SERPINA11: variants seen among roughly 807,000 people sequenced by gnomAD.
SERPINA11 encodes the protein serpin family A member 11.
SERPINA11 carries 28 observed loss-of-function variants against 29.4 expected under a neutral mutation model. The observed-to-expected ratio is 0.95, with a 90% CI of 0.70 to 1.30. The LOEUF is 1.30. Among genes scored for constraint, SERPINA11 ranks in the 50% most tolerant of loss-of-function variants. SERPINA11 has a pLI of 0.00. For missense variants in SERPINA11, 530 were observed against 507.3 expected, an observed-to-expected ratio of 1.04 and a Z score of -0.43; for synonymous variants, 253 against 206.6, an observed-to-expected ratio of 1.22 and a Z score of -1.92.
chr14:94,450,189 G>A (rs1434650453), intron 1 of SERPINA11, among the ~76,000 whole-genome samples: 1 of 152,128 alleles, frequency 6.6e-6, no homozygotes, highest in African/African-American at 2.4e-5. Context: ...ATTGCCTCAG[G>A]GCTGTGGGGA....
At position 94,446,416 on chromosome 14, in the gene SERPINA11, G is replaced by A. The variant is rs576980680; in HGVS notation, c.832C>T (p.Leu278Phe). The A allele has an allele frequency of 3.1e-6, 5 of 1,614,166 alleles. No homozygotes were observed. The South Asian group carries it at 4.4e-5, about 14-fold the overall frequency. Residue 278 changes from leucine to phenylalanine, a missense_variant, in exon 3 of 5, where the codon CTC becomes TTC. Leu to Phe is a conservative substitution (Grantham distance 22). Coordinates refer to ENST00000334708, the MANE Select transcript of SERPINA11 (RefSeq NM_001080451.2). Reference sequence around the variant, plus strand: ...TGCTTCATTTTCCCCGGGTCAGGGAGGACCAGCAGCGCCAAGGCATTTCCT... The same window carrying A: ...TGCTTCATTTTCCCCGGGTCAGGGAAGACCAGCAGCGCCAAGGCATTTCCT... Reference protein sequence around the residue: ...YRGNALALLVLPDPGKMKQVE... With the variant: ...YRGNALALLVFPDPGKMKQVE...
At chr14:94,446,984 A>T (rs10149369) in intron 2 of SERPINA11, among the ~76,000 whole-genome samples, 20,958 of 152,178 alleles carry the variant, frequency 0.14, 4,713 homozygotes, top group African/African-American at 0.47. Flanking sequence ...ATTTATTTAA[A>T]CATACTAATT....
At position 94,451,759 on chromosome 14, in the gene SERPINA11, G is replaced by A. The variant is rs144376318; in HGVS notation, c.-4+970C>T. Among the ~76,000 whole-genome samples, 393 of 152,266 alleles carry A rather than the reference G, an allele frequency of 2.6e-3. 5 individuals are homozygous for A. The highest frequency in any genetic ancestry group is 9.0e-3 in the African/African-American group (374 of 41,534). ...ATATTGCCCACCTCCTGGGTGTGGG[G>A]CCATTTCGGGATTATATGACAGTCA... On this transcript the variant is annotated intron_variant, in intron 1 of 4. Coordinates refer to ENST00000334708, the MANE Select transcript of SERPINA11 (RefSeq NM_001080451.2).
At position 94,442,927 on chromosome 14, in the gene SERPINA11, G is replaced by A. The variant is rs1486264648; in HGVS notation, c.1066-118C>T. Reference sequence around the variant, plus strand: ...AGGAAGGGGAGGTAGAGAAGGAAAAGCCCATGAAGAGATGCCTTAAAGACT... The same window carrying A: ...AGGAAGGGGAGGTAGAGAAGGAAAAACCCATGAAGAGATGCCTTAAAGACT... On this transcript the variant is annotated intron_variant, in intron 4 of 4. Coordinates refer to ENST00000334708, the MANE Select transcript of SERPINA11 (RefSeq NM_001080451.2). The A allele has an allele frequency of 7.1e-6, 9 of 1,261,554 alleles. No homozygotes were observed. In the Middle Eastern group the frequency reaches 2.0e-3, roughly 278 times the overall value. The allele number at this position is 1,261,554 out of a possible 1,614,324, so 78.1% of individuals were successfully genotyped here. A position where few individuals can be genotyped will look rare whatever the true frequency, so the allele number is the denominator to read the frequency against.
chr14:94,446,075 C>A (rs1898430998), intron 3 of SERPINA11, among the ~76,000 whole-genome samples: 2 of 152,094 alleles, frequency 1.3e-5, no homozygotes, highest in Admixed American at 1.3e-4. Context: ...CTCCACGTAC[C>A]AGTCTAAGTT....
At chr14:94,450,874 C>A (rs147414427) in intron 1 of SERPINA11, among the ~76,000 whole-genome samples, 1 of 151,406 alleles carries the variant, frequency 6.6e-6, no homozygotes, top group Non-Finnish European at 1.5e-5. Flanking sequence ...CCCTTTCAGT[C>A]CCATCCCCCG....
At chr14:94,443,438 G>A (rs1185822000) in intron 3 of SERPINA11, among the ~76,000 whole-genome samples, 1 of 152,136 alleles carries the variant, frequency 6.6e-6, no homozygotes, top group Non-Finnish European at 1.5e-5. Flanking sequence ...CTTGTGGCTG[G>A]ATCTGAGAGG....
rs1555373597 is a variant in SERPINA11, at chr14:94,449,390, C to CTCTTTTT, written c.-3-614_-3-613insAAAAAGA. On this transcript the variant is annotated intron_variant, in intron 1 of 4. Transcript: ENST00000334708. ...AACTTCCATAGTCTAGCCTCCCTCC[C>CTCTTTTT]TCTTTCTTTCTTTCTATTCTTTCTT... Among the ~76,000 whole-genome samples, 111 of 97,122 alleles carry CTCTTTTT rather than the reference C, an allele frequency of 1.1e-3. 11 individuals are homozygous for CTCTTTTT. The highest frequency in any genetic ancestry group is 2.0e-3 in the South Asian group (6 of 2,946). 63.7% of individuals were successfully genotyped at this position (97,122 alleles called of 152,430 possible). A position where few individuals can be genotyped will look rare whatever the true frequency, so the allele number is the denominator to read the frequency against.
At position 94,448,056 on chromosome 14, in the gene SERPINA11, C is replaced by T. The variant is rs111454708; in HGVS notation, c.643+76G>A. 1.0e-4 allele frequency: 144 copies of T among 1,408,824 alleles called. 3 individuals carry two copies. The African/African-American group carries it at 1.3e-3, about 13-fold the overall frequency. 87.3% of individuals were successfully genotyped at this position (1,408,824 alleles called of 1,614,324 possible). ...TTTCCCCAAGTGGTTAGCAAAGAAC[C>T]TATTAGCTGGCTCTCTGCTGTAAGA... On this transcript the variant is annotated intron_variant, in intron 2 of 4. Transcript: ENST00000334708.
At chr14:94,449,419 T>A (rs1422440334) in intron 1 of SERPINA11, among the ~76,000 whole-genome samples, 2 of 67,006 alleles carry the variant, frequency 3.0e-5, no homozygotes, top group African/African-American at 8.9e-5. Context: ...CTTTCTTTCT[T>A]TCTTTCTTTC....
chr14:94,446,292 G>A (rs767657264), intron 3 of SERPINA11, 39 bp downstream of exon 3: 1 of 1,582,768 alleles, frequency 6.3e-7, no homozygotes, highest in East Asian at 2.2e-5. Context: ...TGGGGTTCTT[G>A]AGCAAGGTCA....
Position 94,448,593 on chromosome 14 carries a change from A to C in SERPINA11, c.182T>G (p.Leu61Trp), listed in dbSNP as rs770286483. Residue 61 changes from leucine to tryptophan, a missense_variant, in exon 2 of 5, where the codon TTG becomes TGG. Physicochemically the swap from Leu to Trp is moderately conservative, Grantham distance 61 (BLOSUM62 -2). Transcript: ENST00000334708. ...TPTITNFALRLYKELAADAPG... is the reference protein window; with the variant it reads ...TPTITNFALRWYKELAADAPG... ...GGCGTCTGCTGCCAGCTCTTTATAC[A>C]AACGCAAAGCAAAATTGGTAATGGT... 1 of 1,613,812 alleles carries C rather than the reference A, an allele frequency of 6.2e-7. No individual in the cohort carries two copies. The highest frequency in any genetic ancestry group is 8.5e-7 in the Non-Finnish European group (1 of 1,179,788).
intron 4 of SERPINA11, 66 bp downstream of exon 4, chr14:94,443,012 C>A: frequency 2.0e-6 from 3 of 1,526,326 alleles, no homozygotes; most frequent in Non-Finnish European, 2.6e-6. Context: ...AAATGTCCCA[C>A]ATGCCAAAGG....
At chr14:94,449,447 T>A (rs547004315) in intron 1 of SERPINA11, among the ~76,000 whole-genome samples, 1 of 112,224 alleles carries the variant, frequency 8.9e-6, no homozygotes, top group Non-Finnish European at 1.7e-5. Flanking sequence ...CTTTCTTTCT[T>A]TCTTTCTTTC....
Position 94,448,454 on chromosome 14 carries a change from G to A in SERPINA11, c.321C>T (p.Leu107=). The A allele has an allele frequency of 6.2e-7, 1 of 1,614,198 alleles. No individual in the cohort carries two copies. The highest frequency in any genetic ancestry group is 2.2e-5 in the East Asian group (1 of 44,876). Residue 107 remains leucine, a synonymous_variant, in exon 2 of 5, where the codon CTC becomes CTT. Coordinates refer to ENST00000334708, the MANE Select transcript of SERPINA11 (RefSeq NM_001080451.2). ...ALILEGLGFN[L]TETPEADIHQ... ...GGATGTCGGCTTCAGGGGTTTCTGT[G>A]AGGTTGAATCCCAGGCCCTCCAGGA...
chr14:94,444,639 C>T (rs562403961), intron 3 of SERPINA11, among the ~76,000 whole-genome samples: 4 of 152,304 alleles, frequency 2.6e-5, no homozygotes, highest in Admixed American at 6.5e-5. Context: ...GGAATAATCT[C>T]TTAAATCCTG....
intron 1 of SERPINA11, 42 bp from the exon 2 acceptor site, chr14:94,448,819 A>G: frequency 6.7e-7 from 1 of 1,489,970 alleles, no homozygotes; most frequent in South Asian, 1.5e-5. Context: ...CTCCATAAAT[A>G]ATGTCATGAT....
At chr14:94,442,951 C>T in intron 4 of SERPINA11, 127 bp downstream of exon 4, 2 of 1,289,822 alleles carry the variant, frequency 1.6e-6, no homozygotes, top group Non-Finnish European at 2.2e-6. Flanking sequence ...GCCTTAAAGA[C>T]TGTGGTATTA....
In SERPINA11 at chr14:94,442,680, G is replaced by C; in HGVS notation, c.1195C>G (p.Leu399Val). The change falls in exon 5 of 5, where the codon CTC becomes GTC. Residue 399 changes from leucine to valine, a missense_variant. By Grantham distance (32) the Leu-to-Val change is conservative. Transcript: ENST00000334708. ...GTGGTGACCTCCCAAAGGAGCAAGA[G>C]GAAAGGCCTGTTGAAGTGGGCATGT... is the stretch of plus-strand genomic sequence containing the variant. ...DPHAHFNRPF[L>V]LLLWEVTTQS... 2 of 1,613,250 alleles carry C rather than the reference G, an allele frequency of 1.2e-6. No individual in the cohort carries two copies. Among genetic ancestry groups the C allele is most frequent in the Non-Finnish European group, 1.7e-6 (2 of 1,179,680 alleles).
Sources: allele counts gnomAD v4.1 joint callset (sites outside exome capture counted in the v4.1 genomes callset), GRCh38; gene constraint gnomAD v4.1.1; transcripts MANE v1.5; gene names NCBI Gene and HGNC (gene_info 2026-07-23, HGNC 2026-07-21).